BTBD7: variants seen among roughly 807,000 people sequenced by gnomAD.
BTBD7 encodes BTB domain containing 7.
In BTBD7, 38 loss-of-function variants were observed where a neutral mutation model predicts 99.9. That is an observed-to-expected ratio of 0.38 (90% CI 0.29 to 0.50). The LOEUF (loss-of-function observed/expected upper bound fraction) is 0.50. Among genes scored for constraint, BTBD7 ranks in the 20% least tolerant of loss-of-function variants. The pLI is 0.93. For synonymous variants in BTBD7, 520 were observed against 511.4 expected, an observed-to-expected ratio of 1.02 and a Z score of -0.23; for missense variants, 1,170 against 1,394.6, an observed-to-expected ratio of 0.84 and a Z score of 2.57.
At chr14:93,254,855 C>G (rs551344274) in intron 6 of BTBD7, among the ~76,000 whole-genome samples, 8 of 152,278 alleles carry the variant, frequency 5.3e-5, no homozygotes, top group African/African-American at 1.9e-4. Flanking sequence ...TGGGGACTTA[C>G]GATGTGTTAG....
At chr14:93,283,390 AT>A (rs1390247175) in intron 3 of BTBD7, among the ~76,000 whole-genome samples, 12 of 152,220 alleles carry the variant, frequency 7.9e-5, no homozygotes, top group South Asian at 2.1e-4. Context: ...ATTCTGCATT[AT>A]TTTAAATAAA....
At chr14:93,280,815 C>CGG in intron 3 of BTBD7, among the ~76,000 whole-genome samples, 1 of 150,950 alleles carries the variant, frequency 6.6e-6, no homozygotes, top group African/African-American at 2.4e-5. Context: ...AACTAAGATT[C>CGG]GGTCCTTTGA....
At chr14:93,261,826 T>C in intron 4 of BTBD7, 149 bp from the exon 5 acceptor site, 1 of 625,878 alleles carries the variant, frequency 1.6e-6, no homozygotes, top group Non-Finnish European at 2.8e-6. Context: ...GTGTTAAATC[T>C]GTGGTCCATC....
At chr14:93,302,938 TAG>T (rs1251840108) in intron 1 of BTBD7, among the ~76,000 whole-genome samples, 2 of 151,994 alleles carry the variant, frequency 1.3e-5, no homozygotes, top group Non-Finnish European at 2.9e-5. Context: ...GTTTGAGGCC[TAG>T]AGATTGAGGT....
chr14:93,310,105 ACAG>A (rs1038591515), intron 1 of BTBD7, among the ~76,000 whole-genome samples: 1 of 152,198 alleles, frequency 6.6e-6, no homozygotes, highest in Admixed American at 6.5e-5. Flanking sequence ...TGCTGCAATT[ACAG>A]GTTTAAGTAT....
chr14:93,290,611 G>C (rs982297611), intron 3 of BTBD7, among the ~76,000 whole-genome samples: 16 of 151,072 alleles, frequency 1.1e-4, no homozygotes, highest in Non-Finnish European at 1.5e-5. Flanking sequence ...TCCCGCTCCT[G>C]GGTTCAAGTA....
intron 1 of BTBD7, among the ~76,000 whole-genome samples, chr14:93,298,035 C>T (rs116530423): frequency 4.7e-5 from 7 of 150,362 alleles, no homozygotes; most frequent in East Asian, 2.0e-4. Context: ...CTTTCAAGTT[C>T]GATTATTATT....
At chr14:93,279,991 G>A (rs1027635529) in intron 3 of BTBD7, among the ~76,000 whole-genome samples, 3 of 152,150 alleles carry the variant, frequency 2.0e-5, no homozygotes, top group Non-Finnish European at 2.9e-5. Context: ...CTAATGTGAT[G>A]ATCAGATCTA....
chr14:93,260,804 C>T (rs1305773031), intron 5 of BTBD7, among the ~76,000 whole-genome samples: 3 of 152,008 alleles, frequency 2.0e-5, no homozygotes, highest in Admixed American at 6.5e-5. Flanking sequence ...CCGCCCGCCT[C>T]GGCCTCCCAA....
intron 1 of BTBD7, among the ~76,000 whole-genome samples, chr14:93,303,220 AG>A (rs1246429485): frequency 1.3e-5 from 2 of 152,186 alleles, no homozygotes; most frequent in Non-Finnish European, 2.9e-5. Context: ...AGTCCAGGAA[AG>A]TAAGTGTTAA....
chr14:93,312,427 T>G (rs2053148188), intron 1 of BTBD7, among the ~76,000 whole-genome samples: 1 of 152,216 alleles, frequency 6.6e-6, no homozygotes, highest in African/African-American at 2.4e-5. Context: ...CATTCAAAAA[T>G]TCACTTTTTT....
chr14:93,312,211 G>A (rs1373454277), intron 1 of BTBD7, among the ~76,000 whole-genome samples: 6 of 152,024 alleles, frequency 3.9e-5, no homozygotes, highest in African/African-American at 1.5e-4. Flanking sequence ...TATAACCAGT[G>A]AGCTTATTTT....
chr14:93,262,911 A>G (rs1248652117), intron 4 of BTBD7, among the ~76,000 whole-genome samples: 1 of 152,188 alleles, frequency 6.6e-6, no homozygotes, highest in East Asian at 1.9e-4. Flanking sequence ...GACAAGGTTA[A>G]TGAACAAAGA....
At chr14:93,247,328 T>TTTTGTTTGTTTG (rs34225714) in intron 9 of BTBD7, among the ~76,000 whole-genome samples, 8 of 149,178 alleles carry the variant, frequency 5.4e-5, no homozygotes, top group South Asian at 2.1e-4. Flanking sequence ...GCCTATTCTT[T>TTTTGTTTGTTTG]TTTGTTTGTT....
chr14:93,251,646 G>C lies in BTBD7; in HGVS notation c.1759C>G (p.Leu587Val). ...GTTTGTTCCACCATCATCTCATCTA[G>C]CACTGACTGAAATAATCATTCAGTA... is the stretch of plus-strand genomic sequence containing the variant. ...SPYVEEAKSV[L>V]DEMMVEQTDL... Residue 587 changes from leucine (L) to valine (V), a missense_variant, in exon 8 of 11, where the codon CTA (leucine) becomes GTA (valine). Coordinates refer to ENST00000334746, the MANE Select transcript of BTBD7 (RefSeq NM_001002860.4). The C allele has an allele frequency of 1.3e-6, 2 of 1,591,150 alleles. No homozygotes were observed. Among genetic ancestry groups the C allele is most frequent in the Non-Finnish European group, 1.7e-6 (2 of 1,163,934 alleles).
intron 1 of BTBD7, among the ~76,000 whole-genome samples, chr14:93,307,730 T>C (rs1361524488): frequency 6.6e-6 from 1 of 152,220 alleles, no homozygotes; most frequent in Non-Finnish European, 1.5e-5. Context: ...CACCCCATCA[T>C]TCACTATCCT....
intron 9 of BTBD7, 50 bp from the exon 10 acceptor site, chr14:93,246,336 TA>T: frequency 6.8e-7 from 1 of 1,460,666 alleles, no homozygotes; most frequent in Non-Finnish European, 9.1e-7. Context: ...GCAGATTTCA[TA>T]AGTGGAAATT....
rs2052178743 is a variant in BTBD7 at position 93,237,938 on chromosome 14, G to A, written c.*4335C>T. On this transcript the variant is annotated 3_prime_UTR_variant, in exon 11 of 11. Coordinates refer to ENST00000334746, the MANE Select transcript of BTBD7 (RefSeq NM_001002860.4). ...CAACCACAAGAAACGCAGTGTTGTAGATGATTTTCCACCTCTCTGAAGTAC... is the reference window on the plus strand; with the variant it reads ...CAACCACAAGAAACGCAGTGTTGTAAATGATTTTCCACCTCTCTGAAGTAC... 6.6e-6 allele frequency: 1 copy of A among 152,580 alleles called. No individual in the cohort carries two copies. Among genetic ancestry groups the A allele is most frequent in the Non-Finnish European group, 1.5e-5 (1 of 68,040 alleles). The allele number at this position is 152,580 out of a possible 1,614,324, so 9.5% of individuals were successfully genotyped here. A position where few individuals can be genotyped will look rare whatever the true frequency, so the allele number is the denominator to read the frequency against.
chr14:93,292,075 T>C (rs2052862931), intron 3 of BTBD7, among the ~76,000 whole-genome samples: 1 of 152,102 alleles, frequency 6.6e-6, no homozygotes, highest in Non-Finnish European at 1.5e-5. Flanking sequence ...TAATCCCAGC[T>C]ACTCAAGAGG....
Sources: allele counts gnomAD v4.1 joint callset (sites outside exome capture counted in the v4.1 genomes callset), GRCh38; gene constraint gnomAD v4.1.1; transcripts MANE v1.5; gene names NCBI Gene and HGNC (gene_info 2026-07-23, HGNC 2026-07-21).